The following LARP7 variants were observed in gnomAD, a reference collection of about 807,000 sequenced individuals.
The protein encoded by LARP7 is La ribonucleoprotein 7, transcriptional regulator.
A neutral mutation model predicts 69.3 loss-of-function variants in LARP7; 52 were observed. The ratio of observed to expected loss-of-function variants is 0.75; its 90% CI spans 0.60 to 0.95. The LOEUF is 0.95. Among genes scored for constraint, LARP7 ranks in the 40% least tolerant of loss-of-function variants. The probability of loss-of-function intolerance (pLI) is 0.00; values close to 1 mark genes in which losing one functional copy is unlikely to be tolerated. For synonymous variants in LARP7, 254 were observed against 215.9 expected, an observed-to-expected ratio of 1.18 and a Z score of -1.55; for missense variants, 733 against 673.0, an observed-to-expected ratio of 1.09 and a Z score of -0.99.
rs756638578 is a variant in LARP7, at chr4:112,647,283, G to A, written c.731G>A (p.Ser244Asn). 1 of 1,613,780 alleles carries A rather than the reference G, an allele frequency of 6.2e-7. No individual in the cohort carries two copies. The highest frequency in any genetic ancestry group is 1.1e-5 in the South Asian group (1 of 90,962). Residue 244 changes from serine to asparagine, a missense_variant, in exon 7 of 13, where the codon AGC becomes AAC. Ser to Asn is a conservative substitution (Grantham distance 46). Coordinates refer to ENST00000344442, the MANE Select transcript of LARP7 (RefSeq NM_016648.4). ...IQAKEENMDTSNTSISKMKRS... is the reference protein window; with the variant it reads ...IQAKEENMDTNNTSISKMKRS... ...GCCAAAGAAGAAAACATGGACACAA[G>A]CAACACCAGCATCAGTAAAATGAAA... is the stretch of plus-strand genomic sequence containing the variant.
chr4:112,645,630 C>A (rs2048167082), intron 2 of LARP7: 1 of 455,132 alleles, frequency 2.2e-6, no homozygotes, highest in Non-Finnish European at 4.4e-6. Context: ...CCAAGCGATC[C>A]TCCATCAGCC....
In LARP7 at chr4:112,647,099, T is replaced by C. The variant is rs764252804; in HGVS notation, c.618T>C (p.Asn206=). ...KPGIFPKTVK[N]KPIPALRVVE... ...GCATATTTCCTAAAACAGTGAAAAATAAGCCCATTCCAGCCTTAAGAGTTG... is the reference window on the plus strand; with the variant it reads ...GCATATTTCCTAAAACAGTGAAAAACAAGCCCATTCCAGCCTTAAGAGTTG... Residue 206 remains asparagine, a synonymous_variant, in exon 6 of 13, where the codon AAT becomes AAC. Coordinates refer to ENST00000344442, the MANE Select transcript of LARP7 (RefSeq NM_016648.4). 1.9e-6 allele frequency: 3 copies of C among 1,610,572 alleles called. No homozygotes were observed. In the East Asian group the frequency reaches 6.7e-5, roughly 36 times the overall value.
chr4:112,647,515 T>G lies in LARP7; in HGVS notation c.963T>G (p.Ile321Met). 2 of 1,612,092 alleles carry G rather than the reference T, an allele frequency of 1.2e-6. No individual in the cohort carries two copies. Residue 321 changes from isoleucine to methionine, a missense_variant, in exon 7 of 13, where the codon ATT (isoleucine) becomes ATG (methionine). By Grantham distance (10) the Ile-to-Met change is conservative (BLOSUM62 1). Transcript: ENST00000344442. ...AGAAAATTATTCAGAAAGACATCATTAAGGAAGCATCAGAAGCTTCCAAGG... is the reference window on the plus strand; with the variant it reads ...AGAAAATTATTCAGAAAGACATCATGAAGGAAGCATCAGAAGCTTCCAAGG... The part of the protein sequence containing the change: ...KVKKIIQKDI[I>M]KEASEASKEN...
rs760619273 is a variant in LARP7, at chr4:112,648,083, C to G, written c.1142+249C>G. 14 of 605,072 alleles carry G rather than the reference C, an allele frequency of 2.3e-5. No homozygotes were observed. The African/African-American group carries it at 2.6e-4, about 11-fold the overall frequency. 37.5% of individuals were successfully genotyped at this position (605,072 alleles called of 1,614,324 possible). ...TGTTAAAGTAGAGGGGGCCCCTTAA[C>G]AGATGTAAAAATACAAAATAAAGCT... is the stretch of plus-strand genomic sequence containing the variant. On this transcript the variant is annotated intron_variant, in intron 8 of 12. Transcript: ENST00000344442.
At chr4:112,647,913 A>C in intron 8 of LARP7, 79 bp downstream of exon 8, 1 of 1,045,746 alleles carries the variant, frequency 9.6e-7, no homozygotes, top group Non-Finnish European at 1.5e-6. Context: ...TTTATATTCA[A>C]CAGAGTTGCA....
chr4:112,656,208 C>T (rs1002146084), intron 12 of LARP7, among the ~76,000 whole-genome samples: 1 of 152,034 alleles, frequency 6.6e-6, no homozygotes, highest in African/African-American at 2.4e-5. Flanking sequence ...AGTTGGAGAC[C>T]AGCCCGGCCA....
At chr4:112,640,854 A>T (rs2047932924) in intron 1 of LARP7, among the ~76,000 whole-genome samples, 1 of 152,244 alleles carries the variant, frequency 6.6e-6, no homozygotes, top group African/African-American at 2.4e-5. Flanking sequence ...AAGAAGTGAC[A>T]TTTGCAGAGA....
At chr4:112,652,414 T>G (rs2048786961) in intron 10 of LARP7, among the ~76,000 whole-genome samples, 1 of 151,144 alleles carries the variant, frequency 6.6e-6, no homozygotes, top group South Asian at 2.1e-4. Context: ...TAAAACCTGC[T>G]GTGAAAAAAA....
At chr4:112,648,173 G>C (rs375594223) in intron 8 of LARP7, 3 of 528,338 alleles carry the variant, frequency 5.7e-6, no homozygotes, top group Non-Finnish European at 1.2e-5. Flanking sequence ...AAATGTAAAA[G>C]GAAGACTTAC....
At chr4:112,648,610 A>G in intron 8 of LARP7, 2 of 453,826 alleles carry the variant, frequency 4.4e-6, no homozygotes, top group South Asian at 3.1e-5. Flanking sequence ...CTGAGGAGAA[A>G]GAAAACAAAA....
intron 1 of LARP7, among the ~76,000 whole-genome samples, chr4:112,643,145 A>G (rs1412817835): frequency 6.6e-6 from 1 of 152,240 alleles, no homozygotes; most frequent in Non-Finnish European, 1.5e-5. Context: ...CATTGATCTT[A>G]CCATCTAGGA....
intron 8 of LARP7, chr4:112,648,349 C>A (rs774597032): frequency 1.9e-6 from 1 of 533,294 alleles, no homozygotes; most frequent in Non-Finnish European, 3.9e-6. Flanking sequence ...AAAAGGTGTG[C>A]TGGCTTGGAG....
intron 12 of LARP7, chr4:112,654,408 T>C: frequency 2.8e-6 from 1 of 356,850 alleles, no homozygotes; most frequent in East Asian, 5.0e-5. Context: ...ACCAGTGATA[T>C]ACTTTAACAG....
rs1392854355 is a variant in LARP7, at chr4:112,644,827, A to G, written c.158A>G (p.Lys53Arg). ...DFWFGDANLH[K>R]DRFLREQIEK... The stretch of plus-strand genomic sequence containing the variant: ...TGGTTTGGGGATGCAAATCTTCACA[A>G]GGATAGATTTCTTCGAGAACAGATA... Residue 53 changes from lysine to arginine, a missense_variant, in exon 2 of 13, where the codon AAG (lysine) becomes AGG (arginine). By Grantham distance (26) the Lys-to-Arg change is conservative. Transcript: ENST00000344442. 1 of 1,605,034 alleles carries G rather than the reference A, an allele frequency of 6.2e-7. No homozygotes were observed. The highest frequency in any genetic ancestry group is 2.2e-5 in the East Asian group (1 of 44,496).
chr4:112,648,561 C>A (rs761878636), intron 8 of LARP7: 15 of 521,184 alleles, frequency 2.9e-5, no homozygotes, highest in Non-Finnish European at 5.9e-5. Flanking sequence ...AGGGAGCCCA[C>A]CCAACATACA....
intron 2 of LARP7, chr4:112,645,677 G>A (rs746687696): frequency 4.9e-5 from 22 of 446,222 alleles, no homozygotes; most frequent in Admixed American, 4.2e-4. Flanking sequence ...GCATCACCAG[G>A]CCGGCTTTTT....
intron 8 of LARP7, among the ~76,000 whole-genome samples, 170 bp from the exon 9 acceptor site, chr4:112,649,365 T>C (rs2048591620): frequency 6.6e-6 from 1 of 152,198 alleles, no homozygotes; most frequent in Non-Finnish European, 1.5e-5. Context: ...TCCCTTAGCT[T>C]ATTTTGCTAA....
intron 1 of LARP7, among the ~76,000 whole-genome samples, chr4:112,638,608 T>G (rs1240600933): frequency 6.6e-6 from 1 of 152,212 alleles, no homozygotes; most frequent in Non-Finnish European, 1.5e-5. Context: ...ACTGGTTCCC[T>G]TATTTACAGT....
At chr4:112,653,339 T>C in intron 11 of LARP7, 103 bp downstream of exon 11, 2 of 904,288 alleles carry the variant, frequency 2.2e-6, no homozygotes, top group Non-Finnish European at 3.2e-6. Context: ...TTTTTTGGTC[T>C]TGCTCTGTCG....
Sources: gnomAD v4.1 joint callset for allele counts (sites outside exome capture counted in the v4.1 genomes callset) on GRCh38, gnomAD v4.1.1 for gene constraint, MANE v1.5 for transcripts, NCBI Gene and HGNC (gene_info 2026-07-23, HGNC 2026-07-21) for gene names.